The following ZDHHC22 variants were observed in gnomAD, a reference collection of about 807,000 sequenced individuals.
ZDHHC22 encodes zDHHC palmitoyltransferase 22, also known as palmitoyltransferase ZDHHC22.
Under a neutral mutation model 17.0 loss-of-function variants are expected in ZDHHC22, and 13 were observed. The ratio of observed to expected loss-of-function variants is 0.76; its 90% CI spans 0.50 to 1.21. The LOEUF (loss-of-function observed/expected upper bound fraction) is 1.21. Among genes scored for constraint, ZDHHC22 ranks in the 50% most tolerant of loss-of-function variants. The pLI is 0.00. For synonymous variants in ZDHHC22, 138 were observed against 154.7 expected (o/e 0.89, Z 0.80); for missense variants, 319 against 342.3 (o/e 0.93, Z 0.54).
Position 77,133,963 on chromosome 14 carries a change from G to A in ZDHHC22, c.527-15C>T. The A allele has an allele frequency of 2.6e-6, 4 of 1,549,706 alleles. No homozygotes were observed. Among genetic ancestry groups the A allele is most frequent in the Non-Finnish European group, 3.5e-6 (4 of 1,148,302 alleles). On this transcript the variant is annotated splice_polypyrimidine_tract_variant and intron_variant, in intron 2 of 2. Transcript: ENST00000319374. ...CAGGACAGCTCCTGCAGGGCACGGG[G>A]AGGGGAAACACCAGAGCCGCTTTAC...
Position 77,133,525 on chromosome 14 carries a change from C to T in ZDHHC22, c.*158G>A. ...ATTTTTCCTCCTTGTCATGATCCAC[C>T]AGCTCACGCTGTTCTCATGGGTGGA... On this transcript the variant is annotated 3_prime_UTR_variant, in exon 3 of 3. Transcript: ENST00000319374. 1 of 1,025,202 alleles carries T rather than the reference C, an allele frequency of 9.8e-7. No homozygotes were observed. Among genetic ancestry groups the T allele is most frequent in the Non-Finnish European group, 1.3e-6 (1 of 742,184 alleles). 63.5% of individuals were successfully genotyped at this position (1,025,202 alleles called of 1,614,324 possible).
rs2140056053 is a variant in ZDHHC22, at chr14:77,140,934, A to G, written c.-15+669T>C. On this transcript the variant is annotated intron_variant, in intron 1 of 2. Transcript: ENST00000319374. The surrounding 1 kb of genome is among the most constrained non-coding windows in gnomAD (Gnocchi z 5.9). ...AATCGGCCAGCCGGAGGCGCGAGAAAAGTTCTGGGAAGGCGGTTGCACCTA... is the reference window on the plus strand; with the variant it reads ...AATCGGCCAGCCGGAGGCGCGAGAAGAGTTCTGGGAAGGCGGTTGCACCTA... 1.3e-5 allele frequency: 2 copies of G among 152,128 alleles called. No homozygotes were observed. The highest frequency in any genetic ancestry group is 4.1e-4 in the South Asian group (2 of 4,824). The allele number at this position is 152,128 out of a possible 1,614,324, so 9.4% of individuals were successfully genotyped here.
In ZDHHC22 at chr14:77,131,637, G is replaced by C. The variant is rs1887028558; in HGVS notation, c.*2046C>G. 6.6e-6 allele frequency: 1 copy of C among 152,196 alleles called. No individual in the cohort carries two copies. Among genetic ancestry groups the C allele is most frequent in the African/African-American group, 2.4e-5 (1 of 41,440 alleles). The allele number at this position is 152,196 out of a possible 1,614,324, so 9.4% of individuals were successfully genotyped here. ...GCGACTCCTCCATTGAGGCAGCCTA[G>C]GCTTCCCCTCTTCAGCCATCTCTAT... On this transcript the variant is annotated 3_prime_UTR_variant, in exon 3 of 3. Transcript: ENST00000319374.
chr14:77,139,879 G>T, intron 1 of ZDHHC22, 127 bp from the exon 2 acceptor site: 1 of 1,024,184 alleles, frequency 9.8e-7, no homozygotes, highest in Non-Finnish European at 1.4e-6. Context: ...CCTGTCCCGC[G>T]GATTTCCCCT....
At chr14:77,141,580 G>C (rs1375813180) in intron 1 of ZDHHC22, 23 bp downstream of exon 1, 1 of 153,644 alleles carries the variant, frequency 6.5e-6, no homozygotes, top group African/African-American at 2.4e-5. Context: ...CGCCGTCGCA[G>C]AGGGGTGAGG....
intron 2 of ZDHHC22, among the ~76,000 whole-genome samples, chr14:77,135,053 G>A (rs1409877026): frequency 6.6e-6 from 1 of 152,110 alleles, no homozygotes; most frequent in Non-Finnish European, 1.5e-5. Flanking sequence ...AGTCCTGGCT[G>A]GGCTGCAACT....
chr14:77,141,196 C>G (rs1174767090), intron 1 of ZDHHC22: 1 of 152,182 alleles, frequency 6.6e-6, no homozygotes. Context: ...TGCTGCCCAC[C>G]CCAGAGAGCC....
chr14:77,133,467 G>T lies in ZDHHC22; in HGVS notation c.*216C>A. ...CTAACAGCTAGCAGCCACCTGGCTG[G>T]CTCGTGAGGAGCCTAGAAATGCCTG... is the stretch of plus-strand genomic sequence containing the variant. On this transcript the variant is annotated 3_prime_UTR_variant, in exon 3 of 3. Coordinates refer to ENST00000319374, the MANE Select transcript of ZDHHC22 (RefSeq NM_174976.2). 3.3e-6 allele frequency: 2 copies of T among 608,672 alleles called. No individual in the cohort carries two copies. Among genetic ancestry groups the T allele is most frequent in the Non-Finnish European group, 5.3e-6 (2 of 376,750 alleles). The allele number at this position is 608,672 out of a possible 1,614,324, so 37.7% of individuals were successfully genotyped here. A position where few individuals can be genotyped will look rare whatever the true frequency, so the allele number is the denominator to read the frequency against.
intron 2 of ZDHHC22, among the ~76,000 whole-genome samples, chr14:77,138,590 C>G (rs1403166832): frequency 6.6e-6 from 1 of 152,028 alleles, no homozygotes; most frequent in Non-Finnish European, 1.5e-5. Flanking sequence ...ACCTGCCTCT[C>G]CCACCCACGT....
Position 77,140,095 on chromosome 14 carries a change from T to A in ZDHHC22, c.-14-343A>T, listed in dbSNP as rs554390594. 6.6e-6 allele frequency among the ~76,000 whole-genome samples: 1 copy of A among 152,008 alleles called. No homozygotes were observed. Among genetic ancestry groups the A allele is most frequent in the African/African-American group, 2.4e-5 (1 of 41,482 alleles). On this transcript the variant is annotated intron_variant, in intron 1 of 2. Transcript: ENST00000319374. The surrounding 1 kb of genome is among the most constrained non-coding windows in gnomAD (Gnocchi z 5.9). ...GGGGGGCACCGGGGGATAGGACTCC[T>A]CCCCTCTGTGGATGTGGAAACAAGC...
Position 77,133,442 on chromosome 14 carries a change from C to T in ZDHHC22, c.*241G>A. On this transcript the variant is annotated 3_prime_UTR_variant, in exon 3 of 3. Transcript: ENST00000319374. Reference sequence around the variant, plus strand: ...GGGACGGAAAGAAAGCAGAGGCAGCCTAACAGCTAGCAGCCACCTGGCTGG... The same window carrying T: ...GGGACGGAAAGAAAGCAGAGGCAGCTTAACAGCTAGCAGCCACCTGGCTGG... 1.9e-6 allele frequency: 1 copy of T among 519,860 alleles called. No homozygotes were observed. The highest frequency in any genetic ancestry group is 3.2e-5 in the South Asian group (1 of 31,362). The allele number at this position is 519,860 out of a possible 1,614,324, so 32.2% of individuals were successfully genotyped here. A position where few individuals can be genotyped will look rare whatever the true frequency, so the allele number is the denominator to read the frequency against.
chr14:77,134,058 G>T, intron 2 of ZDHHC22, 110 bp from the exon 3 acceptor site: 1 of 1,311,614 alleles, frequency 7.6e-7, no homozygotes, highest in Non-Finnish European at 1.0e-6. Flanking sequence ...TAATGAGATT[G>T]ACGCTACATT....
At chr14:77,139,797 C>T (rs955971513) in intron 1 of ZDHHC22, 45 bp from the exon 2 acceptor site, 27 of 1,443,514 alleles carry the variant, frequency 1.9e-5, no homozygotes, top group Middle Eastern at 2.6e-4. Flanking sequence ...CTACGGCGTC[C>T]AGGGGGCGCC....
At chr14:77,135,608 G>C (rs556482065) in intron 2 of ZDHHC22, among the ~76,000 whole-genome samples, 11 of 152,262 alleles carry the variant, frequency 7.2e-5, no homozygotes, top group African/African-American at 2.6e-4. Context: ...CTTCTTCCAT[G>C]TCGGCACAGA....
rs988489521 is a variant in ZDHHC22 at position 77,139,516 on chromosome 14, C to T, written c.223G>A (p.Asp75Asn). The change falls in exon 2 of 3, where the codon GAC (aspartate) becomes AAC (asparagine). Residue 75 changes from aspartate (D) to asparagine (N), a missense_variant. Coordinates refer to ENST00000319374, the MANE Select transcript of ZDHHC22 (RefSeq NM_174976.2). ...GAGGCCCCCTGGCAGGCCCCCAGGT[C>T]GTCTGGGGAGTTCTGGATGACAAGG... ...YVLVIQNSPDDLGACQGASAR... is the reference protein window; with the variant it reads ...YVLVIQNSPDNLGACQGASAR... 4 of 1,611,198 alleles carry T rather than the reference C, an allele frequency of 2.5e-6. No homozygotes were observed. The highest frequency in any genetic ancestry group is 1.3e-5 in the African/African-American group (1 of 75,036).
chr14:77,135,836 A>G (rs1444448301), intron 2 of ZDHHC22, among the ~76,000 whole-genome samples: 3 of 152,220 alleles, frequency 2.0e-5, no homozygotes, highest in African/African-American at 4.8e-5. Flanking sequence ...TCAAGGCATG[A>G]GAAAAAGAAC....
intron 2 of ZDHHC22, 147 bp downstream of exon 2, chr14:77,139,066 G>T: frequency 1.1e-6 from 1 of 942,098 alleles, no homozygotes; most frequent in Non-Finnish European, 1.6e-6. Flanking sequence ...ATTATGAGTT[G>T]TTTATCTGAA....
chr14:77,133,642 A>G lies in ZDHHC22; in HGVS notation c.*41T>C. The G allele has an allele frequency of 6.3e-7, 1 of 1,583,624 alleles. No individual in the cohort carries two copies. The highest frequency in any genetic ancestry group is 1.2e-5 in the South Asian group (1 of 84,284). ...CTGCCATGGTTTTATGCTCAGGAGG[A>G]GTCAAGACAGAGACAGAGAGATAAA... On this transcript the variant is annotated 3_prime_UTR_variant, in exon 3 of 3. Transcript: ENST00000319374.
chr14:77,133,477 A>G lies in ZDHHC22; in HGVS notation c.*206T>C. 1.5e-6 allele frequency: 1 copy of G among 672,108 alleles called. No individual in the cohort carries two copies. 41.6% of individuals were successfully genotyped at this position (672,108 alleles called of 1,614,324 possible). A position where few individuals can be genotyped will look rare whatever the true frequency, so the allele number is the denominator to read the frequency against. The stretch of plus-strand genomic sequence containing the variant: ...GCAGCCACCTGGCTGGCTCGTGAGG[A>G]GCCTAGAAATGCCTGGGGGGACATT... On this transcript the variant is annotated 3_prime_UTR_variant, in exon 3 of 3. Coordinates refer to ENST00000319374, the MANE Select transcript of ZDHHC22 (RefSeq NM_174976.2).
Sources: gnomAD v4.1 joint callset for allele counts (sites outside exome capture counted in the v4.1 genomes callset) on GRCh38, gnomAD v4.1.1 for gene constraint, Gnocchi (gnomAD v3.1) non-coding constraint, MANE v1.5 for transcripts, NCBI Gene and HGNC (gene_info 2026-07-23, HGNC 2026-07-21) for gene names.